Variants in AKAP12 observed in about 807,000 individuals in gnomAD.
AKAP12 encodes A-kinase anchor protein 12.
Under a neutral mutation model 79.9 loss-of-function variants are expected in AKAP12, and 32 were observed. The ratio of observed to expected loss-of-function variants is 0.40; its 90% confidence interval spans 0.30 to 0.54. The LOEUF (loss-of-function observed/expected upper bound fraction) is 0.54. Among genes scored for constraint, AKAP12 ranks in the 20% least tolerant of loss-of-function variants. AKAP12 has a pLI of 0.48. For missense variants in AKAP12, 2,074 were observed against 2,177.0 expected (o/e 0.95, Z 0.94); for synonymous variants, 808 against 857.0 (o/e 0.94, Z 1.00).
intron 3 of AKAP12, among the ~76,000 whole-genome samples, chr6:151,313,653 CT>C (rs374356340): frequency 1.3e-4 from 20 of 152,292 alleles, no homozygotes; most frequent in Middle Eastern, 3.4e-3. Flanking sequence ...GTGCAGTGAA[CT>C]TTTTTTCCTT....
intron 3 of AKAP12, among the ~76,000 whole-genome samples, chr6:151,348,154 A>AC (rs899547519): frequency 1.3e-5 from 2 of 150,738 alleles, no homozygotes; most frequent in African/African-American, 2.4e-5. Flanking sequence ...CTCCATCTCA[A>AC]AAAAAACAAA....
chr6:151,245,125 T>C (rs922342607), intron 2 of AKAP12, among the ~76,000 whole-genome samples: 5 of 152,200 alleles, frequency 3.3e-5, no homozygotes, highest in Non-Finnish European at 7.3e-5. Context: ...AAATTATTTA[T>C]TTTCCTTTGT....
intron 3 of AKAP12, among the ~76,000 whole-genome samples, chr6:151,343,397 C>CT (rs1298084372): frequency 2.0e-5 from 3 of 152,142 alleles, no homozygotes; most frequent in African/African-American, 7.2e-5. Flanking sequence ...TGGAATTTTT[C>CT]TTTTTTCTCT....
In AKAP12 at chr6:151,352,982, G is replaced by GAGA. The variant is rs34737819; in HGVS notation, c.4593_4594insAAG (p.Glu1531_Asp1532insLys). The GAGA allele has an allele frequency of 6.8e-7, 1 of 1,470,496 alleles. No homozygotes were observed. The highest frequency in any genetic ancestry group is 2.8e-5 in the African/African-American group (1 of 35,664). The allele number at this position is 1,470,496 out of a possible 1,614,324, so 91.1% of individuals were successfully genotyped here. ...GGAGGTCAAAGTGAGTGTAGCAATT[G>GAGA]AGGATTTAGAGCCTGAAAATGGGAT... is the stretch of plus-strand genomic sequence containing the variant. On this transcript the variant is annotated inframe_insertion, in exon 4 of 5. Coordinates refer to ENST00000402676, the MANE Select transcript of AKAP12 (RefSeq NM_005100.4).
chr6:151,240,077 A>C lies in AKAP12; in HGVS notation c.-180+18A>C, dbSNP rs1288639420. 1.3e-5 allele frequency: 2 copies of C among 153,296 alleles called. No individual in the cohort carries two copies. Among genetic ancestry groups the C allele is most frequent in the Non-Finnish European group, 2.9e-5 (2 of 68,838 alleles). 9.5% of individuals were successfully genotyped at this position (153,296 alleles called of 1,614,324 possible). A position where few individuals can be genotyped will look rare whatever the true frequency, so the allele number is the denominator to read the frequency against. ...TGCCTTGGGTGATCCATCATTTAAT[A>C]AACCCCAGAGAATCCAGTGTCCCCG... On this transcript the variant is annotated intron_variant, in intron 1 of 4. Transcript: ENST00000402676.
chr6:151,299,074 T>C (rs573538113), intron 2 of AKAP12: 1 of 152,218 alleles, frequency 6.6e-6, no homozygotes, highest in Admixed American at 6.5e-5. Flanking sequence ...GGGTACATAA[T>C]GCATAGGATA....
chr6:151,261,395 A>G (rs1280005309), intron 2 of AKAP12, among the ~76,000 whole-genome samples: 1 of 151,508 alleles, frequency 6.6e-6, no homozygotes, highest in Non-Finnish European at 1.5e-5. Flanking sequence ...AAATAAAATA[A>G]AAACCAATGG....
At chr6:151,302,422 G>T (rs1353696998) in intron 2 of AKAP12, among the ~76,000 whole-genome samples, 2 of 152,140 alleles carry the variant, frequency 1.3e-5, no homozygotes, top group East Asian at 3.8e-4. Flanking sequence ...AGTCTCCTAA[G>T]TGCTGGGACT....
chr6:151,332,024 T>TCTG (rs1434818927), intron 3 of AKAP12, among the ~76,000 whole-genome samples: 1 of 144,880 alleles, frequency 6.9e-6, no homozygotes, highest in Non-Finnish European at 1.5e-5. Flanking sequence ...CACGTCCAGT[T>TCTG]CTGGGTCTGT....
At chr6:151,314,654 T>G (rs1414077329) in intron 3 of AKAP12, among the ~76,000 whole-genome samples, 1 of 152,186 alleles carries the variant, frequency 6.6e-6, no homozygotes, top group Non-Finnish European at 1.5e-5. Context: ...TCTCTATAGT[T>G]CGGAGGCCAC....
At chr6:151,241,404 G>T (rs1371001799) in intron 2 of AKAP12, among the ~76,000 whole-genome samples, 1 of 152,250 alleles carries the variant, frequency 6.6e-6, no homozygotes, top group African/African-American at 2.4e-5. Context: ...GCGCCCTCGC[G>T]TTCGCTCAGC....
chr6:151,328,260 A>G (rs572202813), intron 3 of AKAP12, among the ~76,000 whole-genome samples: 9 of 150,368 alleles, frequency 6.0e-5, no homozygotes, highest in East Asian at 3.9e-4. Context: ...CTCGGGAGGC[A>G]GAGCTTGCAG....
chr6:151,247,252 T>G (rs1021263510), intron 2 of AKAP12, among the ~76,000 whole-genome samples: 3 of 151,956 alleles, frequency 2.0e-5, no homozygotes, highest in Non-Finnish European at 4.4e-5. Context: ...AATAAAAAAT[T>G]TAGCTGGGTG....
rs201814292 is a variant in AKAP12 at position 151,350,559 on chromosome 6, C to T, written c.2168C>T (p.Thr723Met). ...KADEAGKDKETGTDGILAGSQ... is the reference protein window; with the variant it reads ...KADEAGKDKEMGTDGILAGSQ... ...GATGAGGCCGGAAAAGACAAAGAGACGGGGACAGACGGGATCCTTGCTGGT... is the reference window on the plus strand; with the variant it reads ...GATGAGGCCGGAAAAGACAAAGAGATGGGGACAGACGGGATCCTTGCTGGT... The change falls in exon 4 of 5, where the codon ACG becomes ATG. Residue 723 changes from threonine to methionine, a missense_variant. Physicochemically the swap from Thr to Met is moderately conservative, Grantham distance 81. Transcript: ENST00000402676. The surrounding 1 kb of genome is among the most constrained non-coding windows in gnomAD (Gnocchi z 4.8). 24 of 1,614,098 alleles carry T rather than the reference C, an allele frequency of 1.5e-5. 1 individual carries two copies. In the East Asian group the frequency reaches 3.6e-4, roughly 24 times the overall value.
intron 2 of AKAP12, among the ~76,000 whole-genome samples, chr6:151,297,754 G>T (rs925078690): frequency 6.6e-6 from 1 of 152,024 alleles, no homozygotes; most frequent in Non-Finnish European, 1.5e-5. Flanking sequence ...TTCTAATTTT[G>T]TTGGATTCCC....
intron 2 of AKAP12, among the ~76,000 whole-genome samples, chr6:151,292,286 G>A (rs1776638211): frequency 6.6e-6 from 1 of 152,170 alleles, no homozygotes; most frequent in Non-Finnish European, 1.5e-5. Context: ...TCTTTCAGTC[G>A]AATGGAGCAT....
chr6:151,270,196 A>G (rs1480692459), intron 2 of AKAP12, among the ~76,000 whole-genome samples: 4 of 152,132 alleles, frequency 2.6e-5, no homozygotes, highest in Non-Finnish European at 5.9e-5. Flanking sequence ...AGCTGGGATT[A>G]CAGGCATGCA....
rs1053880483 is a variant in AKAP12 at position 151,320,542 on chromosome 6, C to T, written c.319+14639C>T. Among the ~76,000 whole-genome samples the T allele has an allele frequency of 3.4e-4, 52 of 152,224 alleles. 1 individual carries two copies. Among genetic ancestry groups the T allele is most frequent in the African/African-American group, 1.2e-3 (48 of 41,532 alleles). On this transcript the variant is annotated intron_variant, in intron 3 of 4. Transcript: ENST00000402676. ...CTAATCCCTGTCCATTCCCAGGGTCCTTTTTCAGATTCCTCTTCCTCAGGG... is the reference window on the plus strand; with the variant it reads ...CTAATCCCTGTCCATTCCCAGGGTCTTTTTTCAGATTCCTCTTCCTCAGGG...
At position 151,356,678 on chromosome 6, in the gene AKAP12, A is replaced by G. The variant is rs1778449921; in HGVS notation, c.*964A>G. ...ATAGATACTGGATTGTGTTTGTGCC[A>G]TATTTGTGCCATTCTTTTAAGAACA... On this transcript the variant is annotated 3_prime_UTR_variant, in exon 5 of 5. Transcript: ENST00000402676. The G allele has an allele frequency of 6.6e-6, 1 of 152,244 alleles. No homozygotes were observed. The allele number at this position is 152,244 out of a possible 1,614,324, so 9.4% of individuals were successfully genotyped here. A position where few individuals can be genotyped will look rare whatever the true frequency, so the allele number is the denominator to read the frequency against.
Sources: allele counts gnomAD v4.1 joint callset (sites outside exome capture counted in the v4.1 genomes callset), GRCh38; gene constraint gnomAD v4.1.1; non-coding constraint Gnocchi (gnomAD v3.1); transcripts MANE v1.5; gene names NCBI Gene and HGNC (gene_info 2026-07-23, HGNC 2026-07-21).